ITIH1: variants seen among roughly 807,000 people sequenced by gnomAD.
ITIH1 encodes the protein inter-alpha-trypsin inhibitor heavy chain H1.
A neutral mutation model predicts 104.6 loss-of-function variants in ITIH1; 94 were observed. The observed-to-expected ratio is 0.90, with a 90% CI of 0.76 to 1.07. ITIH1 has a LOEUF of 1.07. Ranked by LOEUF, ITIH1 falls within the 50% of genes least tolerant of loss-of-function variation. ITIH1 has a pLI of 0.00. For missense variants in ITIH1, 1,193 were observed against 1,181.4 expected (o/e 1.01, Z -0.14); for synonymous variants, 455 against 464.4 (o/e 0.98, Z 0.26).
intron 12 of ITIH1, among the ~76,000 whole-genome samples, chr3:52,786,025 G>A (rs1206678352): frequency 6.6e-6 from 1 of 152,188 alleles, no homozygotes; most frequent in Non-Finnish European, 1.5e-5. Context: ...AAACAGCCGG[G>A]TGCTTATTGG....
intron 18 of ITIH1, among the ~76,000 whole-genome samples, chr3:52,788,694 G>A (rs1699269897): frequency 6.6e-6 from 1 of 152,008 alleles, no homozygotes; most frequent in African/African-American, 2.4e-5. Flanking sequence ...CCAAGTAGCT[G>A]GGACTACAGG....
In ITIH1 at chr3:52,786,953, T is replaced by C; in HGVS notation, c.1742T>C (p.Val581Ala). The change falls in exon 14 of 22, where the codon GTG becomes GCG. Residue 581 changes from valine to alanine, a missense_variant. By Grantham distance (64) the Val-to-Ala change is moderately conservative. Coordinates refer to ENST00000273283, the MANE Select transcript of ITIH1 (RefSeq NM_002215.4). ...CTCTGTCTTGAATGCAGGATGAAGG[T>C]GGACAGGGAGGAGAGGGCCAACCTG... ...IQELLAKRMK[V>A]DREERANLSS... 6.2e-7 allele frequency: 1 copy of C among 1,612,034 alleles called. No homozygotes were observed. The highest frequency in any genetic ancestry group is 1.1e-5 in the South Asian group (1 of 90,830).
At position 52,791,951 on chromosome 3, in the gene ITIH1, G is replaced by C. The variant is rs1452823884; in HGVS notation, c.*40G>C. ...ACGCCTGTCCTCCCCCGGGGCCAAGGCAGAGGAGGAGGACGACATCCTGAC... is the reference window on the plus strand; with the variant it reads ...ACGCCTGTCCTCCCCCGGGGCCAAGCCAGAGGAGGAGGACGACATCCTGAC... On this transcript the variant is annotated 3_prime_UTR_variant, in exon 22 of 22. Transcript: ENST00000273283. 1 of 1,582,950 alleles carries C rather than the reference G, an allele frequency of 6.3e-7. No individual in the cohort carries two copies. Among genetic ancestry groups the C allele is most frequent in the African/African-American group, 1.3e-5 (1 of 74,116 alleles).
intron 5 of ITIH1, 110 bp from the exon 6 acceptor site, chr3:52,780,159 G>C (rs1698997732): frequency 8.2e-6 from 8 of 971,714 alleles, no homozygotes; most frequent in Non-Finnish European, 1.2e-5. Context: ...CAGCTACGTG[G>C]GAGGCTGAGG....
At chr3:52,790,726 C>T (rs1012540355) in intron 19 of ITIH1, 23 bp from the exon 20 acceptor site, 21 of 1,607,300 alleles carry the variant, frequency 1.3e-5, no homozygotes, top group Non-Finnish European at 1.8e-5. Context: ...CGCACCTGCC[C>T]TCTCGGCCAC....
Position 52,787,028 on chromosome 3 carries a change from T to G in ITIH1, c.1817T>G (p.Leu606Arg), listed in dbSNP as rs1475260455. 1.2e-6 allele frequency: 2 copies of G among 1,614,030 alleles called. No individual in the cohort carries two copies. Among genetic ancestry groups the G allele is most frequent in the East Asian group, 4.5e-5 (2 of 44,894 alleles). Reference sequence around the variant, plus strand: ...CTGGACTATGGGTTTGTGACCCCACTGACCTCCATGAGCATCAGGGGCATG... The same window carrying G: ...CTGGACTATGGGTTTGTGACCCCACGGACCTCCATGAGCATCAGGGGCATG... ...MSLDYGFVTP[L>R]TSMSIRGMAD... Residue 606 changes from leucine (L) to arginine (R), a missense_variant, in exon 14 of 22, where the codon CTG (leucine) becomes CGG (arginine). Transcript: ENST00000273283.
rs755021416 is a variant in ITIH1, at chr3:52,781,963, C to A, written c.711C>A (p.Thr237=). 3 of 1,614,186 alleles carry A rather than the reference C, an allele frequency of 1.9e-6. No homozygotes were observed. The highest frequency in any genetic ancestry group is 2.2e-5 in the South Asian group (2 of 91,086). The stretch of plus-strand genomic sequence containing the variant: ...AGGGTCATGTGCTGTTCCGTCCCAC[C>A]GTGAGCCAGCAGCAGTCCTGCCCCA... ...GKKGHVLFRP[T]VSQQQSCPTC... Residue 237 remains threonine, a synonymous_variant, in exon 7 of 22, where the codon ACC becomes ACA. Coordinates refer to ENST00000273283, the MANE Select transcript of ITIH1 (RefSeq NM_002215.4).
At position 52,784,177 on chromosome 3, in the gene ITIH1, A is replaced by AT. The variant is rs1699137807; in HGVS notation, c.1226-119_1226-118insT. 9.3e-6 allele frequency: 8 copies of AT among 859,072 alleles called. No homozygotes were observed. The Admixed American group carries it at 2.2e-4, about 24-fold the overall frequency. The allele number at this position is 859,072 out of a possible 1,614,324, so 53.2% of individuals were successfully genotyped here. On this transcript the variant is annotated intron_variant, in intron 10 of 21. Transcript: ENST00000273283. ...GACGCGATGCCTCAGGATGCCCAGG[A>AT]GCCTGGAGATGCTCTGAGATGGAAG...
At chr3:52,782,128 T>G in intron 7 of ITIH1, 23 bp from the exon 8 acceptor site, 1 of 1,614,100 alleles carries the variant, frequency 6.2e-7, no homozygotes. Context: ...GAGAGTGGCC[T>G]CACTCGTTCT....
chr3:52,785,152 G>A lies in ITIH1; in HGVS notation c.1516G>A (p.Gly506Ser), dbSNP rs1294169859. The A allele has an allele frequency of 1.9e-6, 3 of 1,613,988 alleles. No homozygotes were observed. Among genetic ancestry groups the A allele is most frequent in the African/African-American group, 1.3e-5 (1 of 74,902 alleles). Residue 506 changes from glycine to serine, a missense_variant, in exon 12 of 22, where the codon GGC (glycine) becomes AGC (serine). By Grantham distance (56) the Gly-to-Ser change is moderately conservative. Coordinates refer to ENST00000273283, the MANE Select transcript of ITIH1 (RefSeq NM_002215.4). ...TQNHHKQYYE[G>S]SEIVVAGRIA... ...GAACCACCATAAACAGTACTACGAAGGCTCAGAGATTGTGGTGGCCGGGCG... is the reference window on the plus strand; with the variant it reads ...GAACCACCATAAACAGTACTACGAAAGCTCAGAGATTGTGGTGGCCGGGCG...
At chr3:52,778,769 G>A in intron 3 of ITIH1, 173 bp from the exon 4 acceptor site, 1 of 1,185,246 alleles carries the variant, frequency 8.4e-7, no homozygotes, top group African/African-American at 1.5e-5. Flanking sequence ...CTTCTTGCTG[G>A]CCTCTGACCT....
Position 52,777,727 on chromosome 3 carries a change from A to C in ITIH1, c.112A>C (p.Ser38Arg). ...LGSATGRSKS[S>R]EKRQAVDTAV... is the part of the protein sequence containing the mutation. Reference sequence around the variant, plus strand: ...CTCGGCTACAGGCAGGTCCAAGAGCAGCGAGGTATATGGCTAAGCCCACAG... The same window carrying C: ...CTCGGCTACAGGCAGGTCCAAGAGCCGCGAGGTATATGGCTAAGCCCACAG... Residue 38 changes from serine to arginine, a missense_variant, in exon 1 of 22, where the codon AGC (serine) becomes CGC (arginine). Ser to Arg is a moderately radical substitution (Grantham distance 110). Coordinates refer to ENST00000273283, the MANE Select transcript of ITIH1 (RefSeq NM_002215.4). 1.3e-6 allele frequency: 2 copies of C among 1,583,496 alleles called. No individual in the cohort carries two copies. Among genetic ancestry groups the C allele is most frequent in the South Asian group, 2.3e-5 (2 of 85,948 alleles).
chr3:52,778,315 A>G (rs753803618), intron 2 of ITIH1, 25 bp from the exon 3 acceptor site: 7 of 1,612,772 alleles, frequency 4.3e-6, no homozygotes, highest in Non-Finnish European at 5.1e-6. Flanking sequence ...GTCTCAGGCC[A>G]CAGCTCCTTC....
At chr3:52,777,845 C>A in intron 1 of ITIH1, 113 bp downstream of exon 1, 1 of 1,336,464 alleles carries the variant, frequency 7.5e-7, no homozygotes. Context: ...ACCTCCACCA[C>A]TTCTGAGTGG....
Position 52,779,042 on chromosome 3 carries a change from G to A in ITIH1, c.406G>A (p.Val136Ile). 6.2e-7 allele frequency: 1 copy of A among 1,608,688 alleles called. No individual in the cohort carries two copies. Among genetic ancestry groups the A allele is most frequent in the Non-Finnish European group, 8.5e-7 (1 of 1,175,000 alleles). ...TATCTCAGGAGAGAATGCCGGCCTT[G>A]TCAGGTGAGTTCTGGGCCTGCTGGT... ...AAISGENAGL[V>I]RASGRTMEQF... Residue 136 changes from valine (V) to isoleucine (I), a missense_variant, in exon 4 of 22, where the codon GTC (valine) becomes ATC (isoleucine). By Grantham distance (29) the Val-to-Ile change is conservative. Transcript: ENST00000273283. This position sits in a 1 kb window ranked among gnomAD's most constrained non-coding sequence, Gnocchi z 4.4.
chr3:52,778,677 G>A (rs1698964995), intron 3 of ITIH1, 171 bp downstream of exon 3: 1 of 1,445,796 alleles, frequency 6.9e-7, no homozygotes, highest in African/African-American at 1.4e-5. Flanking sequence ...GTCTGTGCTT[G>A]GCTCCCATCT....
chr3:52,781,300 T>G (rs955629450), intron 6 of ITIH1, among the ~76,000 whole-genome samples: 5 of 121,784 alleles, frequency 4.1e-5, no homozygotes, highest in Non-Finnish European at 5.5e-5. Flanking sequence ...TTCTTCTTCT[T>G]CTGCTTCTTC....
intron 6 of ITIH1, among the ~76,000 whole-genome samples, chr3:52,780,601 G>T (rs1699012203): frequency 6.6e-6 from 1 of 152,224 alleles, no homozygotes; most frequent in African/African-American, 2.4e-5. Flanking sequence ...AGGTGGGGAA[G>T]GAGCCAGCTC....
chr3:52,777,756 A>T, intron 1 of ITIH1, 24 bp downstream of exon 1: 1 of 1,549,460 alleles, frequency 6.5e-7, no homozygotes, highest in Non-Finnish European at 8.8e-7. Flanking sequence ...CCCACAGGGC[A>T]GAAATAGGCA....
Sources: allele counts gnomAD v4.1 joint callset (sites outside exome capture counted in the v4.1 genomes callset), GRCh38; gene constraint gnomAD v4.1.1; non-coding constraint Gnocchi (gnomAD v3.1); transcripts MANE v1.5; gene names NCBI Gene and HGNC (gene_info 2026-07-23, HGNC 2026-07-21).